SHROOM3: variants seen among roughly 807,000 people sequenced by gnomAD.
SHROOM3 encodes the protein protein Shroom3.
In SHROOM3, 47 loss-of-function variants were observed where a neutral mutation model predicts 138.6. That is an observed-to-expected ratio of 0.34 (90% CI 0.27 to 0.43). SHROOM3 has a LOEUF of 0.43. SHROOM3 is among the 20% of genes least tolerant of loss of function. The pLI, the probability that SHROOM3 is intolerant of heterozygous loss-of-function variation, is 1.00. For synonymous variants in SHROOM3, 1,062 were observed against 1,063.3 expected (o/e 1.00, Z 0.02); for missense variants, 2,491 against 2,596.5 (o/e 0.96, Z 0.88).
chr4:76,770,836 C>T lies in SHROOM3; in HGVS notation c.5560C>T (p.Arg1854Cys). The T allele has an allele frequency of 6.2e-7, 1 of 1,614,184 alleles. No homozygotes were observed. Among genetic ancestry groups the T allele is most frequent in the Non-Finnish European group, 8.5e-7 (1 of 1,180,042 alleles). ...CAACCTGCTGCTCTCCCTCTCGGGG[C>T]GTCTAGCCCGTGTTGAGAATGTCCT... ...VVNLLLSLSGRLARVENVLSG... is the reference protein window; with the variant it reads ...VVNLLLSLSGCLARVENVLSG... The change falls in exon 10 of 11, where the codon CGT becomes TGT. Residue 1854 changes from arginine to cysteine, a missense_variant. Around this residue, in one of 4 missense-constraint regions of SHROOM3, gnomAD observed 470 missense variants for 595.0 expected, o/e 0.79. Coordinates refer to ENST00000296043, the MANE Select transcript of SHROOM3 (RefSeq NM_020859.4).
chr4:76,742,393 G>A lies in SHROOM3; in HGVS notation c.3753+467G>A, dbSNP rs537026780. Among the ~76,000 whole-genome samples the A allele has an allele frequency of 4.6e-5, 7 of 151,912 alleles. No individual in the cohort carries two copies. The South Asian group carries it at 1.5e-3, about 32-fold the overall frequency. ...ATAGTCATTGGTTATTGAATTCCTG[G>A]CCCTCAGCTAAGTGTGTGGCAGGTC... On this transcript the variant is annotated intron_variant, in intron 5 of 10. Transcript: ENST00000296043.
intron 1 of SHROOM3, among the ~76,000 whole-genome samples, chr4:76,530,171 C>T (rs189571199): frequency 1.8e-4 from 27 of 152,244 alleles, no homozygotes; most frequent in African/African-American, 6.3e-4. Context: ...TTGCTTGCCA[C>T]GCATATGGAA....
chr4:76,599,666 T>C (rs1286525238), intron 2 of SHROOM3, among the ~76,000 whole-genome samples: 1 of 152,236 alleles, frequency 6.6e-6, no homozygotes, highest in East Asian at 1.9e-4. Context: ...GAATTCCTAG[T>C]TCATCACCAT....
intron 2 of SHROOM3, among the ~76,000 whole-genome samples, chr4:76,565,160 C>CAAAAAAAAAAAAAAAAAAAAAAAAAA (rs1166896258): frequency 1.5e-5 from 2 of 135,948 alleles, no homozygotes; most frequent in African/African-American, 5.5e-5. Context: ...GACTCCATTT[C>CAAAAAAAAAAAAAAAAAAAAAAAAAA]AAAAAAAAAA....
At chr4:76,441,086 G>GTTTTGTTTTTT (rs1553913336) in intron 1 of SHROOM3, among the ~76,000 whole-genome samples, 4 of 82,182 alleles carry the variant, frequency 4.9e-5, no homozygotes, top group African/African-American at 1.9e-4. Flanking sequence ...AGTTCAATTT[G>GTTTTGTTTTTT]TTTTTTTTTT....
intron 1 of SHROOM3, among the ~76,000 whole-genome samples, chr4:76,543,097 A>T (rs1343961700): frequency 6.6e-6 from 1 of 152,206 alleles, no homozygotes; most frequent in African/African-American, 2.4e-5. Context: ...CACTGATCAC[A>T]TTCATTCTGT....
intron 2 of SHROOM3, among the ~76,000 whole-genome samples, chr4:76,656,165 G>A (rs1237758033): frequency 6.6e-6 from 1 of 152,082 alleles, no homozygotes; most frequent in African/African-American, 2.4e-5. Flanking sequence ...CAACTATAAG[G>A]AAACTCATGG....
intron 1 of SHROOM3, among the ~76,000 whole-genome samples, chr4:76,517,469 C>G (rs969678873): frequency 6.6e-6 from 1 of 152,144 alleles, no homozygotes; most frequent in African/African-American, 2.4e-5. Flanking sequence ...CTGGTCTGAC[C>G]AGGTAGTTTC....
At chr4:76,466,895 A>T (rs1731259962) in intron 1 of SHROOM3, among the ~76,000 whole-genome samples, 1 of 152,160 alleles carries the variant, frequency 6.6e-6, no homozygotes. Flanking sequence ...GGCTTATGAG[A>T]AAGTAAAATA....
chr4:76,642,512 A>T (rs1735699806), intron 2 of SHROOM3, among the ~76,000 whole-genome samples: 1 of 152,144 alleles, frequency 6.6e-6, no homozygotes, highest in Non-Finnish European at 1.5e-5. Context: ...CAGTCACTGG[A>T]GGCAAAGGCT....
chr4:76,466,694 T>C (rs2137150), intron 1 of SHROOM3, among the ~76,000 whole-genome samples: 2,588 of 152,120 alleles, frequency 0.017, 75 homozygotes, highest in African/African-American at 0.059. Flanking sequence ...TAAGTCTAAG[T>C]CCCAAATCAA....
intron 10 of SHROOM3, among the ~76,000 whole-genome samples, chr4:76,777,029 G>A (rs1449647661): frequency 6.6e-6 from 1 of 152,160 alleles, no homozygotes; most frequent in Non-Finnish European, 1.5e-5. Context: ...GTTGGGTAAC[G>A]TGATGCCTCC....
At chr4:76,453,041 C>T (rs1032463053) in intron 1 of SHROOM3, among the ~76,000 whole-genome samples, 3 of 152,108 alleles carry the variant, frequency 2.0e-5, no homozygotes, top group African/African-American at 4.8e-5. Flanking sequence ...TTAATAAGAA[C>T]TTGTGTGTAC....
chr4:76,662,903 TAGAGGGAGAGGGAGAGGAAGGG>T (rs1718576422), intron 2 of SHROOM3, among the ~76,000 whole-genome samples: 1 of 130,116 alleles, frequency 7.7e-6, no homozygotes, highest in Non-Finnish European at 1.7e-5. Flanking sequence ...GAGAGAGAGG[TAGAGGGAGAGGGAGAGGAAGGG>T]AGAGGGAGAG....
intron 1 of SHROOM3, among the ~76,000 whole-genome samples, chr4:76,485,750 A>G (rs1167814406): frequency 6.6e-6 from 1 of 152,152 alleles, no homozygotes. Context: ...TAATGTGATC[A>G]GGGGCTCTAA....
At chr4:76,728,017 T>A (rs1227130369) in intron 3 of SHROOM3, among the ~76,000 whole-genome samples, 87 of 145,832 alleles carry the variant, frequency 6.0e-4, no homozygotes, top group Admixed American at 1.6e-3. Flanking sequence ...GCAAGAAAAA[T>A]AATAATTAGC....
chr4:76,599,354 C>T (rs1236222279), intron 2 of SHROOM3, among the ~76,000 whole-genome samples: 1 of 152,136 alleles, frequency 6.6e-6, no homozygotes, highest in Admixed American at 6.5e-5. Context: ...ACTGTAGGAT[C>T]TTTTGCGTTG....
chr4:76,719,594 T>C (rs1414086507), intron 3 of SHROOM3, among the ~76,000 whole-genome samples: 7 of 152,236 alleles, frequency 4.6e-5, no homozygotes, highest in Admixed American at 4.6e-4. Flanking sequence ...GGAAGGACAG[T>C]TGAATATTCT....
chr4:76,728,959 C>G (rs1361638744), intron 3 of SHROOM3, among the ~76,000 whole-genome samples: 2 of 152,176 alleles, frequency 1.3e-5, no homozygotes, highest in African/African-American at 4.8e-5. Context: ...TTCTTGTCTC[C>G]CTCATCATTT....
Sources: gnomAD v4.1 joint callset for allele counts (sites outside exome capture counted in the v4.1 genomes callset) on GRCh38, gnomAD v4.1.1 for gene constraint, gnomAD v4.1.1 regional missense constraint, MANE v1.5 for transcripts, NCBI Gene and HGNC (gene_info 2026-07-23, HGNC 2026-07-21) for gene names.